Variants in PHLDB2 observed in about 807,000 individuals in gnomAD.
PHLDB2 encodes pleckstrin homology like domain family B member 2.
PHLDB2 carries 71 observed loss-of-function variants against 123.6 expected under a neutral mutation model. The observed-to-expected ratio is 0.57, with a 90% confidence interval of 0.47 to 0.70. The LOEUF (loss-of-function observed/expected upper bound fraction) is 0.70, where lower values mean the gene tolerates loss of function less well. Among genes scored for constraint, PHLDB2 ranks in the 30% least tolerant of loss-of-function variants. The pLI is 0.00. For missense variants in PHLDB2, 1,446 were observed against 1,519.5 expected, an observed-to-expected ratio of 0.95 and a Z score of 0.80; for synonymous variants, 547 against 541.6, an observed-to-expected ratio of 1.01 and a Z score of -0.14.
At chr3:111,772,838 C>CT (rs35767640) in intron 1 of PHLDB2, among the ~76,000 whole-genome samples, 4,155 of 152,228 alleles carry the variant, frequency 0.027, 73 homozygotes, top group African/African-American at 0.037. Context: ...TCCCTGCACA[C>CT]TTTTTTTAAC....
chr3:111,906,439 T>A (rs186472409), intron 2 of PHLDB2, among the ~76,000 whole-genome samples: 2 of 152,150 alleles, frequency 1.3e-5, no homozygotes, highest in Non-Finnish European at 2.9e-5. Flanking sequence ...GATTCAGACC[T>A]AAGTGGTCTG....
At chr3:111,802,347 G>C (rs141136950) in intron 1 of PHLDB2, among the ~76,000 whole-genome samples, 128 of 152,328 alleles carry the variant, frequency 8.4e-4, no homozygotes, top group Non-Finnish European at 1.5e-3. Context: ...AGAGCAAGGG[G>C]AGAGCACTTT....
Position 111,969,727 on chromosome 3 carries a change from A to G in PHLDB2, c.3353A>G (p.Glu1118Gly), listed in dbSNP as rs1466358643. ...ACACGCTACCTGCCTGTCCGGAAGG[A>G]AGACTTTGATTTGCGGAGCCATGTA... ...PLTRYLPVRK[E>G]DFDLRSHVET... The change falls in exon 16 of 18, where the codon GAA (glutamate) becomes GGA (glycine). Residue 1118 changes from glutamate to glycine, a missense_variant. By Grantham distance (98) the Glu-to-Gly change is moderately conservative. Coordinates refer to ENST00000431670, the MANE Select transcript of PHLDB2 (RefSeq NM_001134438.2). The G allele has an allele frequency of 6.2e-7, 1 of 1,614,046 alleles. No individual in the cohort carries two copies. The highest frequency in any genetic ancestry group is 8.5e-7 in the Non-Finnish European group (1 of 1,179,912).
chr3:111,962,205 T>C lies in PHLDB2; in HGVS notation c.2970T>C (p.His990=). ...SESNVYLNSF[H]YPDHSYKDQA... Reference sequence around the variant, plus strand: ...CAAATGTCTACTTGAATAGTTTCCATTATCCAGATCACAGCTACAAGGACC... The same window carrying C: ...CAAATGTCTACTTGAATAGTTTCCACTATCCAGATCACAGCTACAAGGACC... Residue 990 remains histidine (H), a synonymous_variant, in exon 13 of 18, where the codon CAT becomes CAC. Transcript: ENST00000431670. 1.3e-6 allele frequency: 2 copies of C among 1,582,186 alleles called. 1 individual carries two copies. Among genetic ancestry groups the C allele is most frequent in the South Asian group, 2.4e-5 (2 of 85,034 alleles).
intron 1 of PHLDB2, among the ~76,000 whole-genome samples, chr3:111,774,382 A>G (rs1390805876): frequency 6.6e-6 from 1 of 152,186 alleles, no homozygotes; most frequent in Admixed American, 6.5e-5. Flanking sequence ...AAAAAAATTG[A>G]TCAAAGTCCT....
Position 111,802,917 on chromosome 3 carries a change from C to A in PHLDB2, c.-48-42904C>A, listed in dbSNP as rs199911671. 6.6e-5 allele frequency among the ~76,000 whole-genome samples: 10 copies of A among 152,218 alleles called. No homozygotes were observed. In the East Asian group the frequency reaches 1.9e-3, roughly 29 times the overall value. On this transcript the variant is annotated intron_variant, in intron 1 of 17. Coordinates refer to the PHLDB2 transcript ENST00000393923. ...TCCCAAATGATAGATAATTAATCAT[C>A]TTTAAAATGGCAACCTGTCACTGGA...
chr3:111,883,932 T>G, intron 1 of PHLDB2, 132 bp from the exon 2 acceptor site: 1 of 812,356 alleles, frequency 1.2e-6, no homozygotes, highest in South Asian at 1.9e-5. Flanking sequence ...GGTTTTTTAG[T>G]AAAACTGAGT....
intron 1 of PHLDB2, among the ~76,000 whole-genome samples, chr3:111,867,921 C>T (rs184975928): frequency 8.7e-4 from 132 of 151,936 alleles, no homozygotes; most frequent in Admixed American, 2.4e-3. Flanking sequence ...AAGCTGGTCT[C>T]GAATCCTGGG....
At position 111,962,130 on chromosome 3, in the gene PHLDB2, T is replaced by A; in HGVS notation, c.2895T>A (p.Ser965Arg). Residue 965 changes from serine to arginine, a missense_variant, in exon 13 of 18, where the codon AGT (serine) becomes AGA (arginine). Around this residue, in one of 3 missense-constraint regions of PHLDB2, gnomAD observed 594 missense variants for 646.0 expected, o/e 0.92. Coordinates refer to ENST00000431670, the MANE Select transcript of PHLDB2 (RefSeq NM_001134438.2). ...MLRGYNHQQM[S>R]EGHRQKSEFY... is the part of the protein sequence containing the mutation. ...TAGGTTATAATCACCAACAGATGAGTGAAGGACACAGGCAGAAATCTGAAT... is the reference window on the plus strand; with the variant it reads ...TAGGTTATAATCACCAACAGATGAGAGAAGGACACAGGCAGAAATCTGAAT... 1 of 1,580,708 alleles carries A rather than the reference T, an allele frequency of 6.3e-7. No homozygotes were observed. The highest frequency in any genetic ancestry group is 8.5e-7 in the Non-Finnish European group (1 of 1,171,252).
intron 1 of PHLDB2, among the ~76,000 whole-genome samples, chr3:111,740,498 T>C (rs897206843): frequency 2.0e-5 from 3 of 152,212 alleles, no homozygotes; most frequent in Admixed American, 6.5e-5. Context: ...CAAGTGACTT[T>C]CTGCTTTACT....
intron 1 of PHLDB2, among the ~76,000 whole-genome samples, chr3:111,862,752 T>C (rs1395428637): frequency 6.6e-6 from 1 of 152,136 alleles, no homozygotes; most frequent in Non-Finnish European, 1.5e-5. Context: ...TAATATACCA[T>C]AGAGGTCGAG....
chr3:111,902,488 T>C (rs988092468), intron 2 of PHLDB2, among the ~76,000 whole-genome samples: 1 of 152,100 alleles, frequency 6.6e-6, no homozygotes, highest in Non-Finnish European at 1.5e-5. Context: ...TAAATAAACA[T>C]TACTTTAGCA....
At chr3:111,753,665 T>C (rs1559813334) in intron 1 of PHLDB2, among the ~76,000 whole-genome samples, 1 of 152,224 alleles carries the variant, frequency 6.6e-6, no homozygotes, top group African/African-American at 2.4e-5. Context: ...TAGATCCCAT[T>C]TGTGAATTTT....
intron 1 of PHLDB2, among the ~76,000 whole-genome samples, chr3:111,804,447 A>G (rs1372715421): frequency 6.6e-6 from 1 of 152,190 alleles, no homozygotes; most frequent in Non-Finnish European, 1.5e-5. Flanking sequence ...GTTCAGGTCA[A>G]CCTGTTAGAA....
chr3:111,834,913 C>T (rs1192834192), intron 1 of PHLDB2, among the ~76,000 whole-genome samples: 5 of 152,056 alleles, frequency 3.3e-5, no homozygotes, highest in Non-Finnish European at 7.4e-5. Context: ...TTTTATATAT[C>T]CTTTCTACAC....
chr3:111,809,563 A>G (rs2061738756), intron 1 of PHLDB2, among the ~76,000 whole-genome samples: 2 of 152,212 alleles, frequency 1.3e-5, no homozygotes, highest in African/African-American at 4.8e-5. Context: ...GATTCTTTTT[A>G]TCTAATGCCA....
intron 1 of PHLDB2, among the ~76,000 whole-genome samples, chr3:111,878,460 G>A (rs1576975976): frequency 1.3e-5 from 2 of 152,302 alleles, no homozygotes; most frequent in Admixed American, 6.5e-5. Context: ...GGGCTGAGAC[G>A]ATGGGGTTTT....
intron 2 of PHLDB2, among the ~76,000 whole-genome samples, chr3:111,896,544 G>A (rs971908032): frequency 2.0e-5 from 3 of 151,792 alleles, no homozygotes; most frequent in Admixed American, 2.0e-4. Context: ...ACGGGGTTTC[G>A]CCACGTATGT....
intron 1 of PHLDB2, among the ~76,000 whole-genome samples, chr3:111,759,122 T>TC (rs1176910931): frequency 6.7e-6 from 1 of 150,184 alleles, no homozygotes; most frequent in Non-Finnish European, 1.5e-5. Context: ...TGATATATCT[T>TC]TTTTTTTTTT....
Sources: gnomAD v4.1 joint callset for allele counts (sites outside exome capture counted in the v4.1 genomes callset) on GRCh38, gnomAD v4.1.1 for gene constraint, gnomAD v4.1.1 regional missense constraint, MANE v1.5 for transcripts, NCBI Gene and HGNC (gene_info 2026-07-23, HGNC 2026-07-21) for gene names.